XPO7: variants seen among roughly 807,000 people sequenced by gnomAD.
The protein encoded by XPO7 is exportin 7, also known as exportin-7.
Under a neutral mutation model 144.3 loss-of-function variants are expected in XPO7, and 21 were observed. That is an observed-to-expected ratio of 0.15 (90% CI 0.10 to 0.21). The LOEUF is 0.21. Among genes scored for constraint, XPO7 ranks in the 10% least tolerant of loss-of-function variants. The probability of loss-of-function intolerance (pLI) is 1.00; values close to 1 mark genes in which losing one functional copy is unlikely to be tolerated. For missense variants in XPO7, 808 were observed against 1,325.8 expected (o/e 0.61, Z 6.06); for synonymous variants, 580 against 499.6 (o/e 1.16, Z -2.15).
intron 1 of XPO7, among the ~76,000 whole-genome samples, chr8:21,948,007 C>T (rs1240463315): frequency 1.3e-5 from 2 of 152,128 alleles, no homozygotes; most frequent in Non-Finnish European, 2.9e-5. Context: ...ATTTGAAAAC[C>T]AGAGAGACCA....
chr8:21,973,810 A>G (rs1236275169), intron 5 of XPO7, among the ~76,000 whole-genome samples: 1 of 152,244 alleles, frequency 6.6e-6, no homozygotes, highest in Non-Finnish European at 1.5e-5. Context: ...TAAAGAAGTA[A>G]AAGATTTAGT....
chr8:21,989,644 A>G (rs1257176652), intron 16 of XPO7, among the ~76,000 whole-genome samples: 3 of 152,030 alleles, frequency 2.0e-5, no homozygotes, highest in African/African-American at 7.2e-5. Flanking sequence ...ACCATTCTAA[A>G]TAGGAGAGAA....
intron 12 of XPO7, 29 bp from the exon 13 acceptor site, chr8:21,985,557 G>A: frequency 6.3e-7 from 1 of 1,595,678 alleles, no homozygotes; most frequent in Non-Finnish European, 8.6e-7. Context: ...TATCACTGGA[G>A]GTGACACTGG....
chr8:21,937,878 A>C (rs1313477399), intron 1 of XPO7, among the ~76,000 whole-genome samples: 2 of 152,246 alleles, frequency 1.3e-5, no homozygotes, highest in Non-Finnish European at 2.9e-5. Flanking sequence ...GGAGTAATTT[A>C]TAAAGTAGAT....
intron 1 of XPO7, among the ~76,000 whole-genome samples, chr8:21,925,270 G>A (rs1420348028): frequency 6.6e-6 from 1 of 152,140 alleles, no homozygotes; most frequent in Non-Finnish European, 1.5e-5. Flanking sequence ...TGCTTCAATG[G>A]CTGTTCACCC....
chr8:21,989,131 C>T, intron 16 of XPO7, 48 bp downstream of exon 16: 1 of 1,542,982 alleles, frequency 6.5e-7, no homozygotes, highest in East Asian at 2.3e-5. Context: ...ACTGGCATGC[C>T]ACAGTCTTAG....
intron 19 of XPO7, 133 bp downstream of exon 19, chr8:21,992,107 T>C: frequency 3.5e-6 from 2 of 571,744 alleles, no homozygotes; most frequent in Non-Finnish European, 3.0e-6. Context: ...GGTTTTGGAA[T>C]TGCAGAACCA....
chr8:21,994,312 TAC>T (rs1259495730), intron 19 of XPO7, 49 bp from the exon 20 acceptor site: 4 of 1,402,110 alleles, frequency 2.9e-6, no homozygotes, highest in Admixed American at 3.7e-5. Context: ...ATCAGATTGT[TAC>T]AGTTTTGTCT....
chr8:21,940,395 C>T (rs989440200), intron 1 of XPO7, among the ~76,000 whole-genome samples: 1 of 151,700 alleles, frequency 6.6e-6, no homozygotes, highest in Non-Finnish European at 1.5e-5. Flanking sequence ...TTTATAGTCC[C>T]CACTGAGTGG....
chr8:21,963,417 C>G (rs375660643), intron 1 of XPO7, among the ~76,000 whole-genome samples: 1 of 152,064 alleles, frequency 6.6e-6, no homozygotes, highest in Non-Finnish European at 1.5e-5. Context: ...AAGTATAGAC[C>G]GGGCACGGTG....
At chr8:22,003,107 C>G in intron 25 of XPO7, 112 bp from the exon 26 acceptor site, 1 of 649,794 alleles carries the variant, frequency 1.5e-6, no homozygotes, top group East Asian at 3.1e-5. Flanking sequence ...TCTGATTTAC[C>G]CTATACAGAA....
intron 1 of XPO7, among the ~76,000 whole-genome samples, chr8:21,925,357 G>C (rs1248059928): frequency 1.3e-5 from 2 of 152,214 alleles, no homozygotes; most frequent in African/African-American, 4.8e-5. Context: ...GTATTTAAGA[G>C]AAGGCAGAAT....
rs773011393 is a variant in XPO7, at chr8:21,970,218, T to C, written c.334T>C (p.Tyr112His). The C allele has an allele frequency of 6.2e-7, 1 of 1,613,942 alleles. No individual in the cohort carries two copies. Among genetic ancestry groups the C allele is most frequent in the Non-Finnish European group, 8.5e-7 (1 of 1,179,858 alleles). The change falls in exon 4 of 28, where the codon TAT (tyrosine) becomes CAT (histidine). Residue 112 changes from tyrosine (Y) to histidine (H), a missense_variant. Around this residue, in one of 5 missense-constraint regions of XPO7, gnomAD observed 223 missense variants for 368.8 expected, o/e 0.60. Coordinates refer to ENST00000252512, the MANE Select transcript of XPO7 (RefSeq NM_015024.5). ...CGTGACACAAGCACTTATTCAGTTA[T>C]ATGCCAGAATCACAAAACTGGGCTG... ...TFVTQALIQL[Y>H]ARITKLGWFD...
chr8:21,929,033 G>A (rs528789929), intron 1 of XPO7, among the ~76,000 whole-genome samples: 2 of 152,146 alleles, frequency 1.3e-5, no homozygotes, highest in Non-Finnish European at 2.9e-5. Flanking sequence ...TTGGGTGGAG[G>A]ACGTACCAGC....
intron 21 of XPO7, among the ~76,000 whole-genome samples, chr8:21,996,238 A>G (rs776855009): frequency 2.0e-5 from 3 of 152,220 alleles, no homozygotes; most frequent in Non-Finnish European, 4.4e-5. Flanking sequence ...AGCCTGGGCA[A>G]CATGGTGAAA....
At chr8:21,937,328 G>A (rs1038464199) in intron 1 of XPO7, among the ~76,000 whole-genome samples, 2 of 152,154 alleles carry the variant, frequency 1.3e-5, no homozygotes, top group African/African-American at 4.8e-5. Flanking sequence ...ATCTTGATCT[G>A]TTATGTTTCA....
At chr8:21,957,954 A>G (rs1294223461) in intron 1 of XPO7, among the ~76,000 whole-genome samples, 2 of 151,940 alleles carry the variant, frequency 1.3e-5, no homozygotes, top group Non-Finnish European at 2.9e-5. Flanking sequence ...AAAATGGCCC[A>G]CAGAGTGCTG....
chr8:21,932,975 A>G (rs1024303456), intron 1 of XPO7, among the ~76,000 whole-genome samples: 3 of 152,124 alleles, frequency 2.0e-5, no homozygotes, highest in East Asian at 3.9e-4. Flanking sequence ...GTGTGTTTCT[A>G]CGGGCAAGGA....
At chr8:21,976,099 A>G (rs1194556076) in intron 6 of XPO7, among the ~76,000 whole-genome samples, 2 of 152,234 alleles carry the variant, frequency 1.3e-5, no homozygotes, top group African/African-American at 2.4e-5. Flanking sequence ...TGTGAGGAGT[A>G]TAGTAAGTGT....
Sources: allele counts gnomAD v4.1 joint callset (sites outside exome capture counted in the v4.1 genomes callset), GRCh38; gene constraint gnomAD v4.1.1; regional missense constraint gnomAD v4.1.1; transcripts MANE v1.5; gene names NCBI Gene and HGNC (gene_info 2026-07-23, HGNC 2026-07-21).